The following PCNX2 variants were observed in gnomAD, a reference collection of about 807,000 sequenced individuals.
The protein encoded by PCNX2 is pecanex 2.
PCNX2 carries 168 observed loss-of-function variants against 223.8 expected under a neutral mutation model. The ratio of observed to expected loss-of-function variants is 0.75; its 90% confidence interval spans 0.66 to 0.85. PCNX2 has a LOEUF of 0.85. PCNX2 is among the 40% of genes least tolerant of loss of function. The pLI is 0.00. For missense variants in PCNX2, 2,507 were observed against 2,675.5 expected (o/e 0.94, Z 1.39); for synonymous variants, 1,006 against 1,052.6 (o/e 0.96, Z 0.86).
At chr1:233,262,561 T>C (rs1402406541) in intron 2 of PCNX2, among the ~76,000 whole-genome samples, 3 of 152,208 alleles carry the variant, frequency 2.0e-5, no homozygotes, top group Non-Finnish European at 4.4e-5. Context: ...AACTCAAGAA[T>C]TACTCTTAAT....
chr1:233,043,572 A>C (rs1671720767), intron 25 of PCNX2, among the ~76,000 whole-genome samples: 4 of 95,984 alleles, frequency 4.2e-5, no homozygotes, highest in South Asian at 4.6e-4. Flanking sequence ...CCACCCCACA[A>C]CAGTCCCCAG....
In PCNX2 at chr1:233,291,912, C is replaced by A. The variant is rs965300429; in HGVS notation, c.153+3414G>T. On this transcript the variant is annotated intron_variant, in intron 1 of 33. Coordinates refer to ENST00000258229, the MANE Select transcript of PCNX2 (RefSeq NM_014801.4). ...GAACTTACACAAGGCCAGAATCATG[C>A]CCATATGCCCCTGCTGTAAAGAAAA... The A allele has an allele frequency of 3.0e-6, 3 of 985,216 alleles. No individual in the cohort carries two copies. The Admixed American group carries it at 1.8e-4, about 61-fold the overall frequency. 61.0% of individuals were successfully genotyped at this position (985,216 alleles called of 1,614,324 possible). A position where few individuals can be genotyped will look rare whatever the true frequency, so the allele number is the denominator to read the frequency against.
At chr1:233,284,854 C>T (rs1661364211) in intron 1 of PCNX2, among the ~76,000 whole-genome samples, 1 of 152,060 alleles carries the variant, frequency 6.6e-6, no homozygotes, top group South Asian at 2.1e-4. Flanking sequence ...TCCAGAGCCA[C>T]AGCATGACAC....
In PCNX2 at chr1:233,236,135, T is replaced by A. The variant is rs546663905; in HGVS notation, c.2358+710A>T. Among the ~76,000 whole-genome samples, 3 of 151,950 alleles carry A rather than the reference T, an allele frequency of 2.0e-5. No homozygotes were observed. In the South Asian group the frequency reaches 6.2e-4, roughly 32 times the overall value. ...CTCCATCTGTACCAATGGAAACCAA[T>A]CTTTCTTCAGGGCCTAACCGAAGTA... On this transcript the variant is annotated intron_variant, in intron 9 of 33. Transcript: ENST00000258229.
At chr1:233,081,141 G>A (rs1376354656) in intron 23 of PCNX2, among the ~76,000 whole-genome samples, 1 of 152,144 alleles carries the variant, frequency 6.6e-6, no homozygotes, top group Non-Finnish European at 1.5e-5. Context: ...GAGGTCAGGA[G>A]TTCAAGACCA....
At position 233,130,465 on chromosome 1, in the gene PCNX2, TTGTGTGTGTGTGTGTGTG is replaced by T. The variant is rs55865610; in HGVS notation, c.3837+4530_3837+4547del. ...ACTCAATATTTCTGCCCCCCAACTTTTGTGTGTGTGTGTGTGTGTGTGTGTGTGTGTGTGTGTGTGATG... is the reference window on the plus strand; with the variant it reads ...ACTCAATATTTCTGCCCCCCAACTTTTGTGTGTGTGTGTGTGTGTGTGATG... On this transcript the variant is annotated intron_variant, in intron 21 of 33. Coordinates refer to ENST00000258229, the MANE Select transcript of PCNX2 (RefSeq NM_014801.4). Among the ~76,000 whole-genome samples the T allele has an allele frequency of 2.6e-3, 352 of 136,472 alleles. 1 individual carries two copies. Among genetic ancestry groups the T allele is most frequent in the African/African-American group, 8.3e-3 (302 of 36,218 alleles). The allele number at this position is 136,472 out of a possible 152,430, so 89.5% of individuals were successfully genotyped here. A position where few individuals can be genotyped will look rare whatever the true frequency, so the allele number is the denominator to read the frequency against.
At chr1:233,302,116 G>A in the PCNX2 span, among the ~76,000 whole-genome samples, 2,992 of 151,870 alleles carry the variant, frequency 0.02, 117 homozygotes, top group African/African-American at 0.068. Context: ...TGAAAAGAGA[G>A]AAAGAAAATT....
intron 21 of PCNX2, chr1:233,112,952 T>C (rs1675198287): frequency 3.1e-6 from 4 of 1,289,230 alleles, no homozygotes; most frequent in Non-Finnish European, 4.0e-6. Flanking sequence ...ATCCTCTTTG[T>C]GTGTGGGTGC....
At position 233,208,043 on chromosome 1, in the gene PCNX2, CCT is replaced by C. The variant is rs377444094; in HGVS notation, c.2863+473_2863+474del. Among the ~76,000 whole-genome samples the C allele has an allele frequency of 7.4e-3, 1,133 of 152,184 alleles. 16 individuals are homozygous for C. Among genetic ancestry groups the C allele is most frequent in the African/African-American group, 0.026 (1,076 of 41,510 alleles). On this transcript the variant is annotated intron_variant, in intron 13 of 33. Coordinates refer to ENST00000258229, the MANE Select transcript of PCNX2 (RefSeq NM_014801.4). The stretch of plus-strand genomic sequence containing the variant: ...TGATCTTGGCTCACCGCAACCTCTG[CCT>C]CCCGGGTTCAAGCAATTCTCCTCCC...
chr1:232,995,000 T>C (rs1669829211), intron 32 of PCNX2, among the ~76,000 whole-genome samples: 1 of 152,190 alleles, frequency 6.6e-6, no homozygotes, highest in African/African-American at 2.4e-5. Flanking sequence ...TTCAGTTTCT[T>C]TATCTGCAAG....
chr1:233,295,546 T>A lies in PCNX2; in HGVS notation c.-68A>T. On this transcript the variant is annotated 5_prime_UTR_variant, in exon 1 of 34. Transcript: ENST00000258229. The surrounding 1 kb of genome is among the most constrained non-coding windows in gnomAD (Gnocchi z 4.1). ...GCGCGCCCCGGCCGGATCTCCAGGC[T>A]CCCTCAGGTCTAACACCCGGGCCCG... 7.0e-7 allele frequency: 1 copy of A among 1,427,474 alleles called. No individual in the cohort carries two copies. The allele number at this position is 1,427,474 out of a possible 1,614,324, so 88.4% of individuals were successfully genotyped here.
chr1:233,067,365 C>CAAAAAAAA lies in PCNX2; in HGVS notation c.4077-10083_4077-10076dup, dbSNP rs750823791. On this transcript the variant is annotated intron_variant, in intron 23 of 33. Transcript: ENST00000258229. Reference sequence around the variant, plus strand: ...AATAAATGAAAAAATAGAGCTTCAGCAAAAAAAAAAAAAAAAAAAAAAAAA... The same window carrying CAAAAAAAA: ...AATAAATGAAAAAATAGAGCTTCAGCAAAAAAAAAAAAAAAAAAAAAAAAAAAAAAAAA... Among the ~76,000 whole-genome samples, 19 of 3,884 alleles carry CAAAAAAAA rather than the reference C, an allele frequency of 4.9e-3. 1 individual carries two copies. Among genetic ancestry groups the CAAAAAAAA allele is most frequent in the South Asian group, 0.018 (1 of 56 alleles). The allele number at this position is 3,884 out of a possible 152,430, so 2.5% of individuals were successfully genotyped here.
chr1:233,280,298 C>CTTTTTT (rs34738587), intron 1 of PCNX2, among the ~76,000 whole-genome samples: 1 of 115,860 alleles, frequency 8.6e-6, no homozygotes, highest in African/African-American at 3.1e-5. Flanking sequence ...TCCATATTAC[C>CTTTTTT]TTTTTTTTTT....
intron 21 of PCNX2, among the ~76,000 whole-genome samples, chr1:233,133,069 T>C (rs948792162): frequency 2.6e-5 from 4 of 152,010 alleles, no homozygotes; most frequent in Non-Finnish European, 5.9e-5. Context: ...TGGCTAATTT[T>C]TGTACTTTTT....
intron 1 of PCNX2, among the ~76,000 whole-genome samples, chr1:233,281,978 T>C (rs779175744): frequency 6.6e-6 from 1 of 152,100 alleles, no homozygotes; most frequent in Admixed American, 6.5e-5. Flanking sequence ...ACTCCAAACC[T>C]CTCTCCAGAT....
chr1:233,293,107 A>C (rs1182564169), intron 1 of PCNX2, among the ~76,000 whole-genome samples: 1 of 152,220 alleles, frequency 6.6e-6, no homozygotes, highest in Non-Finnish European at 1.5e-5. Flanking sequence ...AAGCATAGTT[A>C]GGTAGAAATT....
At position 233,250,459 on chromosome 1, in the gene PCNX2, C is replaced by A. The variant is rs549454469; in HGVS notation, c.2222+280G>T. The A allele has an allele frequency of 1.1e-5, 8 of 755,406 alleles. No homozygotes were observed. In the East Asian group the frequency reaches 1.0e-3, roughly 98 times the overall value. 46.8% of individuals were successfully genotyped at this position (755,406 alleles called of 1,614,324 possible). On this transcript the variant is annotated intron_variant, in intron 8 of 33. Transcript: ENST00000258229. ...GTTTGAGAGCTGTATCACCATCTTT[C>A]TTGAAGAGAACATTATTATGTTTAT... is the stretch of plus-strand genomic sequence containing the variant.
chr1:233,287,258 ATTTT>A (rs1171354929), intron 1 of PCNX2, among the ~76,000 whole-genome samples: 1 of 152,202 alleles, frequency 6.6e-6, no homozygotes, highest in Non-Finnish European at 1.5e-5. Flanking sequence ...GGGAAGTTAT[ATTTT>A]TATTATATGT....
chr1:233,139,317 G>T lies in PCNX2; in HGVS notation c.3659+397C>A, dbSNP rs1676972520. Among the ~76,000 whole-genome samples, 1 of 152,058 alleles carries T rather than the reference G, an allele frequency of 6.6e-6. No individual in the cohort carries two copies. ...AGTGATTAATTTCCCCCTCCCACAA[G>T]CACAAAATGATAGAGTATTTGCTAA... is the stretch of plus-strand genomic sequence containing the variant. On this transcript the variant is annotated intron_variant, in intron 20 of 33. Coordinates refer to ENST00000258229, the MANE Select transcript of PCNX2 (RefSeq NM_014801.4). This position sits in a 1 kb window ranked among gnomAD's most constrained non-coding sequence, Gnocchi z 4.4.
Sources: allele counts gnomAD v4.1 joint callset (sites outside exome capture counted in the v4.1 genomes callset), GRCh38; gene constraint gnomAD v4.1.1; non-coding constraint Gnocchi (gnomAD v3.1); transcripts MANE v1.5; gene names NCBI Gene and HGNC (gene_info 2026-07-23, HGNC 2026-07-21).